Variants in AMMECR1 observed in about 807,000 individuals in gnomAD.
The protein encoded by AMMECR1 is nuclear protein AMMECR1.
AMMECR1 carries 3 observed loss-of-function variants against 22.5 expected under a neutral mutation model. That is an observed-to-expected ratio of 0.13 (90% CI 0.06 to 0.35). AMMECR1 has a LOEUF of 0.35. Among genes scored for constraint, AMMECR1 ranks in the 10% least tolerant of loss-of-function variants. The pLI, the probability that AMMECR1 is intolerant of heterozygous loss-of-function variation, is 1.00. For missense variants in AMMECR1, 235 were observed against 278.7 expected (o/e 0.84, Z 1.12); for synonymous variants, 130 against 116.7 (o/e 1.11, Z -0.74).
At position 110,264,547 on chromosome X, in the gene AMMECR1, T is replaced by C. The variant is rs2067757957; in HGVS notation, c.526A>G (p.Ile176Val). Residue 176 changes from isoleucine (I) to valine (V), a missense_variant, in exon 2 of 6, where the codon ATA (isoleucine) becomes GTA (valine). This residue lies in a region of AMMECR1 where 111 missense variants were observed against 181.7 expected (regional missense o/e 0.61). Transcript: ENST00000262844. ...AAATTCATGGCAGAAAAAGTACCTA[T>C]GCATCCACGTAATCTTTTGTCTCGA... ...IGRDKRLRGC[I>V]GTFSAMNLHS... 6 of 1,208,775 alleles carry C rather than the reference T, an allele frequency of 5.0e-6. No homozygotes were observed. Among genetic ancestry groups the C allele is most frequent in the Non-Finnish European group, 6.7e-6 (6 of 893,598 alleles).
intron 2 of AMMECR1, among the ~76,000 whole-genome samples, chrX:110,230,084 G>A (rs1052638111): frequency 1.8e-5 from 2 of 113,012 alleles, no homozygotes; most frequent in African/African-American, 6.4e-5. Flanking sequence ...GGGCACAGCT[G>A]AAGAAAAGGC....
At chrX:110,290,987 C>G (rs778025752) in intron 1 of AMMECR1, among the ~76,000 whole-genome samples, 1 of 111,613 alleles carries the variant, frequency 9.0e-6, no homozygotes, top group South Asian at 3.8e-4. Context: ...TTAAAAATTT[C>G]ATGACACCTC....
intron 2 of AMMECR1, among the ~76,000 whole-genome samples, chrX:110,357,122 A>G (rs908772948): frequency 3.6e-5 from 4 of 111,955 alleles, no homozygotes; most frequent in African/African-American, 1.3e-4. Context: ...ATCTATTAGT[A>G]TAGATCACAC....
chrX:110,334,727 T>C (rs1343201704), intron 2 of AMMECR1, among the ~76,000 whole-genome samples: 1 of 112,370 alleles, frequency 8.9e-6, no homozygotes, highest in East Asian at 2.8e-4. Flanking sequence ...CTTCAATAAT[T>C]TGATCTTTAC....
intron 2 of AMMECR1, among the ~76,000 whole-genome samples, chrX:110,327,045 A>G (rs1456584668): frequency 1.8e-5 from 2 of 112,182 alleles, no homozygotes; most frequent in Non-Finnish European, 3.8e-5. Context: ...AGATAAGGAC[A>G]GGAGCAGGTC....
intron 2 of AMMECR1, chrX:110,225,203 A>G (rs2067526330): frequency 5.5e-6 from 1 of 182,541 alleles, no homozygotes; most frequent in Admixed American, 6.1e-5. Context: ...AGGCTTTGTT[A>G]TTAAAGACAG....
intron 2 of AMMECR1, among the ~76,000 whole-genome samples, chrX:110,394,493 T>C (rs150125159): frequency 0.027 from 3,013 of 112,562 alleles, 84 homozygotes; most frequent in African/African-American, 0.091. Flanking sequence ...TTTAGAAGTT[T>C]GGTGATATTT....
intron 2 of AMMECR1, among the ~76,000 whole-genome samples, chrX:110,361,217 A>G (rs1338863519): frequency 9.0e-6 from 1 of 111,201 alleles, no homozygotes. Flanking sequence ...AAGACCTAGG[A>G]ATCAATCTTG....
chrX:110,199,506 A>C (rs2067386569), intron 5 of AMMECR1, among the ~76,000 whole-genome samples: 1 of 111,029 alleles, frequency 9.0e-6, no homozygotes, highest in Admixed American at 9.6e-5. Context: ...AGATATTTCT[A>C]TATAGATATC....
chrX:110,395,095 T>C (rs1489569903), intron 2 of AMMECR1, among the ~76,000 whole-genome samples: 1 of 112,461 alleles, frequency 8.9e-6, no homozygotes, highest in Non-Finnish European at 1.9e-5. Flanking sequence ...GTGGGGAGTG[T>C]ATGTAGGTTG....
chrX:110,388,863 C>G (rs762173252), intron 2 of AMMECR1, among the ~76,000 whole-genome samples: 4 of 112,424 alleles, frequency 3.6e-5, no homozygotes, highest in African/African-American at 1.3e-4. Context: ...GCAAAAAGTC[C>G]ATGAGGAAAC....
chrX:110,417,461 TG>T (rs967264878), intron 2 of AMMECR1, among the ~76,000 whole-genome samples: 18 of 110,912 alleles, frequency 1.6e-4, no homozygotes, highest in African/African-American at 6.1e-4. Context: ...GTTGTAGGGG[TG>T]TGCAGACGCA....
In AMMECR1 at chrX:110,279,365, T is replaced by G. The variant is rs562031600; in HGVS notation, c.474-14766A>C. Among the ~76,000 whole-genome samples the G allele has an allele frequency of 2.1e-4, 24 of 112,780 alleles. 1 individual carries two copies. The South Asian group carries it at 8.7e-3, about 41-fold the overall frequency. On this transcript the variant is annotated intron_variant, in intron 1 of 5. Transcript: ENST00000262844. ...AATCAGTTAAATCCAAATTGTTTTC[T>G]ATAGGAACACATTTGTGATTCTGTA...
At chrX:110,342,818 T>G (rs2068170403) in intron 2 of AMMECR1, among the ~76,000 whole-genome samples, 1 of 111,950 alleles carries the variant, frequency 8.9e-6, no homozygotes, top group Non-Finnish European at 1.9e-5. Flanking sequence ...CATGACATAC[T>G]TTTGCTTTCA....
intron 2 of AMMECR1, among the ~76,000 whole-genome samples, chrX:110,240,057 G>A (rs890348907): frequency 9.0e-6 from 1 of 111,235 alleles, no homozygotes; most frequent in African/African-American, 3.3e-5. Context: ...CCTGAAGGAA[G>A]CACTAAATAT....
chrX:110,318,370 T>G (rs192102474), upstream of AMMECR1: 443 of 111,630 alleles, frequency 4.0e-3, 4 homozygotes, highest in African/African-American at 0.013. Context: ...CGGCAGAGGT[T>G]GGAAGACAGG....
intron 1 of AMMECR1, among the ~76,000 whole-genome samples, chrX:110,265,200 A>C (rs1299146742): frequency 9.0e-6 from 1 of 111,591 alleles, no homozygotes; most frequent in African/African-American, 3.3e-5. Flanking sequence ...TAACTAATAC[A>C]AGGAAAAAGG....
chrX:110,264,966 C>A (rs951588208), intron 1 of AMMECR1, among the ~76,000 whole-genome samples: 3 of 111,495 alleles, frequency 2.7e-5, no homozygotes, highest in Admixed American at 9.5e-5. Flanking sequence ...AACTATAGAG[C>A]CTTAACCATT....
chrX:110,207,288 T>C (rs1162281798), intron 3 of AMMECR1, among the ~76,000 whole-genome samples: 2 of 111,724 alleles, frequency 1.8e-5, no homozygotes, highest in Non-Finnish European at 3.8e-5. Flanking sequence ...TGGTGCAGCA[T>C]GGTCCACTCT....
Sources: allele counts gnomAD v4.1 joint callset (sites outside exome capture counted in the v4.1 genomes callset), GRCh38; gene constraint gnomAD v4.1.1; regional missense constraint gnomAD v4.1.1; transcripts MANE v1.5; gene names NCBI Gene and HGNC (gene_info 2026-07-23, HGNC 2026-07-21).